Variants in AATF observed in about 807,000 individuals in gnomAD.
AATF encodes the protein apoptosis antagonizing transcription factor.
AATF carries 48 observed loss-of-function variants against 63.7 expected under a neutral mutation model. The observed-to-expected ratio is 0.75, with a 90% CI of 0.60 to 0.96. The LOEUF (loss-of-function observed/expected upper bound fraction) is 0.96, where lower values mean the gene tolerates loss of function less well. Among genes scored for constraint, AATF ranks in the 40% least tolerant of loss-of-function variants. AATF has a pLI of 0.00. For missense variants in AATF, 639 were observed against 685.7 expected, an observed-to-expected ratio of 0.93 and a Z score of 0.76; for synonymous variants, 258 against 247.7, an observed-to-expected ratio of 1.04 and a Z score of -0.39.
chr17:36,970,592 A>C (rs933149363), intron 4 of AATF, among the ~76,000 whole-genome samples: 1 of 150,420 alleles, frequency 6.6e-6, no homozygotes, highest in Non-Finnish European at 1.5e-5. Flanking sequence ...GTGGAGGCTG[A>C]AATGCAGTGA....
chr17:36,987,705 T>G (rs1190325637), intron 5 of AATF, among the ~76,000 whole-genome samples: 1 of 152,260 alleles, frequency 6.6e-6, no homozygotes, highest in African/African-American at 2.4e-5. Context: ...TAGATGGCAC[T>G]GCAGGTTAGT....
At chr17:36,981,879 A>G (rs2071128452) in intron 4 of AATF, among the ~76,000 whole-genome samples, 1 of 151,844 alleles carries the variant, frequency 6.6e-6, no homozygotes, top group South Asian at 2.1e-4. Context: ...AAAATTTACT[A>G]TCCTAACCAT....
chr17:36,958,538 A>G (rs73985317), intron 4 of AATF, among the ~76,000 whole-genome samples: 1,784 of 152,328 alleles, frequency 0.012, 32 homozygotes, highest in African/African-American at 0.041. Flanking sequence ...GTAAGGAAGA[A>G]GGGAAGTTAC....
intron 11 of AATF, among the ~76,000 whole-genome samples, chr17:37,047,328 T>C (rs1450126224): frequency 3.3e-5 from 5 of 152,190 alleles, no homozygotes; most frequent in African/African-American, 9.7e-5. Context: ...ATTATTTTTC[T>C]TTAAAATCAT....
chr17:36,989,179 G>A, intron 6 of AATF, 68 bp from the exon 7 acceptor site: 1 of 1,493,700 alleles, frequency 6.7e-7, no homozygotes, highest in Non-Finnish European at 9.0e-7. Context: ...GAAAGATAGA[G>A]AAACCAATGT....
chr17:37,036,877 A>G (rs1377242064), intron 11 of AATF, among the ~76,000 whole-genome samples: 1 of 152,128 alleles, frequency 6.6e-6, no homozygotes, highest in Non-Finnish European at 1.5e-5. Flanking sequence ...AGAAAGCCCA[A>G]TTTGTCCGTG....
chr17:37,015,776 G>A (rs1267158634), intron 8 of AATF, among the ~76,000 whole-genome samples: 4 of 152,200 alleles, frequency 2.6e-5, no homozygotes, highest in Non-Finnish European at 1.5e-5. Context: ...AGAATGGGAT[G>A]TTAGCTTTCT....
chr17:37,036,593 A>G (rs1014225429), intron 11 of AATF, among the ~76,000 whole-genome samples: 21 of 151,766 alleles, frequency 1.4e-4, no homozygotes, highest in African/African-American at 5.1e-4. Context: ...TCTTCAAGCG[A>G]TCTATTTTTT....
Position 36,986,600 on chromosome 17 carries a change from T to C in AATF, c.833-17T>C, listed in dbSNP as rs2071170385. 3.1e-6 allele frequency: 5 copies of C among 1,594,580 alleles called. No homozygotes were observed. The highest frequency in any genetic ancestry group is 4.3e-6 in the Non-Finnish European group (5 of 1,162,146). ...TGTAGATAATTAATTGTCCTTTCTC[T>C]GTCCTTTATTTCCCAGGTCACAAGG... On this transcript the variant is annotated splice_polypyrimidine_tract_variant and intron_variant, in intron 4 of 11. Transcript: ENST00000619387.
In AATF at chr17:37,044,282, T is replaced by A. The variant is rs187210104; in HGVS notation, c.1620-12319T>A. Among the ~76,000 whole-genome samples, 3 of 152,316 alleles carry A rather than the reference T, an allele frequency of 2.0e-5. No homozygotes were observed. In the East Asian group the frequency reaches 5.8e-4, roughly 29 times the overall value. ...CACCAGGTTGTTTCCTAATTATTCA[T>A]AGGTTAGGTCTCCATGCTAAACCAT... On this transcript the variant is annotated intron_variant, in intron 11 of 11. Coordinates refer to ENST00000619387, the MANE Select transcript of AATF (RefSeq NM_012138.4).
chr17:37,006,145 G>GA (rs895732925), intron 8 of AATF, among the ~76,000 whole-genome samples: 16 of 150,842 alleles, frequency 1.1e-4, no homozygotes, highest in African/African-American at 3.2e-4. Context: ...TCTAAAAAAA[G>GA]AAAAAAAAGA....
At chr17:37,023,067 G>A (rs987772078) in intron 10 of AATF, among the ~76,000 whole-genome samples, 66 of 152,052 alleles carry the variant, frequency 4.3e-4, no homozygotes, top group African/African-American at 1.4e-3. Flanking sequence ...GTAATTTTAT[G>A]AGGACATAAA....
intron 8 of AATF, among the ~76,000 whole-genome samples, chr17:37,000,943 C>T (rs2071289386): frequency 6.6e-6 from 1 of 152,022 alleles, no homozygotes; most frequent in African/African-American, 2.4e-5. Flanking sequence ...CAGAAGGAAA[C>T]TCTGTCTCTT....
In AATF at chr17:36,949,064, G is replaced by T. The variant is rs548437375; in HGVS notation, c.-62G>T. The T allele has an allele frequency of 5.5e-5, 78 of 1,415,826 alleles. No homozygotes were observed. In the African/African-American group the frequency reaches 9.6e-4, roughly 17 times the overall value. The allele number at this position is 1,415,826 out of a possible 1,614,324, so 87.7% of individuals were successfully genotyped here. A position where few individuals can be genotyped will look rare whatever the true frequency, so the allele number is the denominator to read the frequency against. ...AGGATCCGGCAGGGAAGGAGCTTCG[G>T]GGCCGGGGGTTGGGCCGCACATTTA... On this transcript the variant is annotated 5_prime_UTR_variant, in exon 1 of 12. Transcript: ENST00000619387.
intron 4 of AATF, among the ~76,000 whole-genome samples, chr17:36,959,455 AAACC>A (rs990162259): frequency 6.6e-6 from 1 of 152,210 alleles, no homozygotes; most frequent in Non-Finnish European, 1.5e-5. Context: ...GAAAACAAAC[AAACC>A]AACAAACAAA....
chr17:37,016,689 C>A (rs576263992), intron 8 of AATF, among the ~76,000 whole-genome samples: 4 of 151,184 alleles, frequency 2.6e-5, no homozygotes, highest in Non-Finnish European at 5.9e-5. Context: ...AAATTGAATT[C>A]TTCAGCCAAT....
intron 4 of AATF, among the ~76,000 whole-genome samples, chr17:36,960,736 G>A (rs1367270765): frequency 1.3e-5 from 2 of 152,128 alleles, no homozygotes; most frequent in African/African-American, 4.8e-5. Flanking sequence ...TATTGCTTGG[G>A]ATAAAGGCAC....
intron 11 of AATF, 101 bp downstream of exon 11, chr17:37,031,786 C>T (rs2071554008): frequency 1.0e-6 from 1 of 969,492 alleles, no homozygotes; most frequent in African/African-American, 1.6e-5. Flanking sequence ...TATCAGTTAA[C>T]CATTTGTCAT....
intron 4 of AATF, among the ~76,000 whole-genome samples, chr17:36,959,740 T>G (rs1476454250): frequency 1.3e-5 from 2 of 152,174 alleles, no homozygotes; most frequent in Non-Finnish European, 2.9e-5. Context: ...TCATTACAGG[T>G]CTAAAATGCA....
Sources: gnomAD v4.1 joint callset for allele counts (sites outside exome capture counted in the v4.1 genomes callset) on GRCh38, gnomAD v4.1.1 for gene constraint, MANE v1.5 for transcripts, NCBI Gene and HGNC (gene_info 2026-07-23, HGNC 2026-07-21) for gene names.